C3orf20: variants seen among roughly 807,000 people sequenced by gnomAD.
C3orf20 encodes family with sequence similarity 149 member C, also known as uncharacterized protein C3orf20.
C3orf20 carries 76 observed loss-of-function variants against 88.3 expected under a neutral mutation model. That is an observed-to-expected ratio of 0.86 (90% CI 0.72 to 1.04). The LOEUF (loss-of-function observed/expected upper bound fraction) is 1.04. Ranked by LOEUF, C3orf20 falls within the 50% of genes least tolerant of loss-of-function variation. The pLI, the probability that C3orf20 is intolerant of heterozygous loss-of-function variation, is 0.00. For synonymous variants in C3orf20, 436 were observed against 437.4 expected (o/e 1.00, Z 0.04); for missense variants, 1,056 against 1,123.3 (o/e 0.94, Z 0.86).
intron 12 of C3orf20, among the ~76,000 whole-genome samples, chr3:14,739,723 A>C (rs1432174306): frequency 6.6e-6 from 1 of 152,240 alleles, no homozygotes; most frequent in Non-Finnish European, 1.5e-5. Context: ...AGTCACCTTC[A>C]TCAATGATCT....
At chr3:14,735,848 G>A (rs570551315) in intron 12 of C3orf20, among the ~76,000 whole-genome samples, 187 of 152,226 alleles carry the variant, frequency 1.2e-3, no homozygotes, top group Non-Finnish European at 2.2e-3. Context: ...ACCTGCCTCA[G>A]CCTCCCAAAG....
intron 10 of C3orf20, among the ~76,000 whole-genome samples, chr3:14,725,347 A>G (rs987654057): frequency 6.6e-6 from 1 of 152,188 alleles, no homozygotes; most frequent in African/African-American, 2.4e-5. Context: ...AGCTTGTTAA[A>G]TGGCTTCCCC....
intron 7 of C3orf20, among the ~76,000 whole-genome samples, chr3:14,708,218 A>G (rs372970723): frequency 6.6e-6 from 1 of 152,254 alleles, no homozygotes; most frequent in African/African-American, 2.4e-5. Flanking sequence ...TAAGGTTCCA[A>G]TTTCTTTCCT....
intron 4 of C3orf20, 125 bp downstream of exon 4, chr3:14,684,507 A>G: frequency 7.8e-7 from 1 of 1,289,250 alleles, no homozygotes; most frequent in Non-Finnish European, 1.1e-6. Flanking sequence ...ATGTGGAGCA[A>G]CAGGGATTTT....
Position 14,676,145 on chromosome 3 carries a change from G to A in C3orf20, c.-299+893G>A, listed in dbSNP as rs1267238713. The stretch of plus-strand genomic sequence containing the variant: ...TTTTTTTTGGTCATTATTCCCTGCG[G>A]TTGAACAGAGCACCTCCCCGCACCC... On this transcript the variant is annotated intron_variant, in intron 1 of 16. Coordinates refer to ENST00000253697, the MANE Select transcript of C3orf20 (RefSeq NM_032137.5). Among the ~76,000 whole-genome samples the A allele has an allele frequency of 1.7e-4, 24 of 144,840 alleles. No individual in the cohort carries two copies. The South Asian group carries it at 2.2e-3, about 13-fold the overall frequency.
chr3:14,688,201 C>T (rs1287129152), intron 4 of C3orf20, among the ~76,000 whole-genome samples: 1 of 152,032 alleles, frequency 6.6e-6, no homozygotes, highest in Admixed American at 6.6e-5. Flanking sequence ...TGAGGTAGAC[C>T]AAAGCTGTAA....
At chr3:14,707,646 A>G (rs1483747578) in intron 7 of C3orf20, among the ~76,000 whole-genome samples, 3 of 152,054 alleles carry the variant, frequency 2.0e-5, no homozygotes, top group East Asian at 3.9e-4. Context: ...ATTTTTTCCT[A>G]TACTGTCATA....
At chr3:14,734,450 G>A (rs571960901) in intron 12 of C3orf20, among the ~76,000 whole-genome samples, 1 of 151,836 alleles carries the variant, frequency 6.6e-6, no homozygotes, top group South Asian at 2.1e-4. Flanking sequence ...GTTCTTTCTT[G>A]TCCCGTTGGA....
At position 14,677,224 on chromosome 3, in the gene C3orf20, T is replaced by C. The variant is rs1173038339; in HGVS notation, c.-299+1972T>C. Among the ~76,000 whole-genome samples the C allele has an allele frequency of 3.3e-5, 5 of 152,192 alleles. No homozygotes were observed. The East Asian group carries it at 9.6e-4, about 29-fold the overall frequency. On this transcript the variant is annotated intron_variant, in intron 1 of 16. Coordinates refer to ENST00000253697, the MANE Select transcript of C3orf20 (RefSeq NM_032137.5). ...GGCTTAGTTTGATTGTCTTCTTAAGTATACAGCTGTGTATACTTTGACCAA... is the reference window on the plus strand; with the variant it reads ...GGCTTAGTTTGATTGTCTTCTTAAGCATACAGCTGTGTATACTTTGACCAA...
At chr3:14,746,321 G>A (rs147164522) in intron 12 of C3orf20, among the ~76,000 whole-genome samples, 3 of 152,258 alleles carry the variant, frequency 2.0e-5, no homozygotes, top group African/African-American at 7.2e-5. Context: ...GATAGCAGTA[G>A]GTAAAACTAG....
intron 5 of C3orf20, among the ~76,000 whole-genome samples, chr3:14,697,586 T>C (rs538869617): frequency 6.6e-6 from 1 of 152,104 alleles, no homozygotes; most frequent in South Asian, 2.1e-4. Flanking sequence ...AGTTCTAGGG[T>C]ACATGTGCAC....
At position 14,731,196 on chromosome 3, in the gene C3orf20, A is replaced by T. The variant is rs561060798; in HGVS notation, c.1940+2508A>T. Among the ~76,000 whole-genome samples, 14 of 152,318 alleles carry T rather than the reference A, an allele frequency of 9.2e-5. No homozygotes were observed. In the South Asian group the frequency reaches 2.9e-3, roughly 32 times the overall value. ...CCACTGATCTGTTCTTTGTAGATAT[A>T]GTTTTGCATTTTCCAGAACATCATG... On this transcript the variant is annotated intron_variant, in intron 12 of 16. Transcript: ENST00000253697.
rs373138094 is a variant in C3orf20, at chr3:14,738,802, G to A, written c.1940+10114G>A. ...ATTACAGGCATGCACCACCATGCCT[G>A]GCTAATTTTTTTGTTTTTTTTTTTT... On this transcript the variant is annotated intron_variant, in intron 12 of 16. Transcript: ENST00000253697. 6.3e-5 allele frequency among the ~76,000 whole-genome samples: 9 copies of A among 143,324 alleles called. No homozygotes were observed. In the East Asian group the frequency reaches 1.2e-3, roughly 20 times the overall value. 94.0% of individuals were successfully genotyped at this position (143,324 alleles called of 152,430 possible). A position where few individuals can be genotyped will look rare whatever the true frequency, so the allele number is the denominator to read the frequency against.
At chr3:14,738,630 CTTTTTT>C (rs34407504) in intron 12 of C3orf20, among the ~76,000 whole-genome samples, 2 of 73,482 alleles carry the variant, frequency 2.7e-5, no homozygotes, top group African/African-American at 1.3e-4. Flanking sequence ...CATGCCCGGC[CTTTTTT>C]TTTTTTTTTT....
chr3:14,708,898 C>T (rs1195680265), intron 7 of C3orf20, among the ~76,000 whole-genome samples: 1 of 152,176 alleles, frequency 6.6e-6, no homozygotes, highest in Admixed American at 6.5e-5. Flanking sequence ...CCCACTTCAG[C>T]CTCCCAAAGT....
intron 1 of C3orf20, among the ~76,000 whole-genome samples, chr3:14,681,504 G>A (rs1014128449): frequency 2.6e-5 from 4 of 152,180 alleles, no homozygotes; most frequent in Non-Finnish European, 5.9e-5. Context: ...TTGGAGTTGG[G>A]CAACAGGAAC....
chr3:14,759,162 A>G (rs1422722751), intron 13 of C3orf20, among the ~76,000 whole-genome samples: 1 of 152,192 alleles, frequency 6.6e-6, no homozygotes, highest in Non-Finnish European at 1.5e-5. Context: ...GTGTCAGATT[A>G]GGGTGTCTTT....
intron 12 of C3orf20, among the ~76,000 whole-genome samples, chr3:14,744,818 G>A (rs1376315290): frequency 3.3e-5 from 5 of 152,104 alleles, no homozygotes; most frequent in South Asian, 4.1e-4. Context: ...ACCAGCCCAC[G>A]TGATTCAATT....
In C3orf20 at chr3:14,715,310, G is replaced by C; in HGVS notation, c.1335G>C (p.Leu445Phe). The part of the protein sequence containing the change: ...LKTSCPYVLI[L>F]DEEGGTTNDQ... Reference sequence around the variant, plus strand: ...CTAGTTGCCCATATGTCTTAATCTTGGATGAGGAAGGTGGGACCACCAATG... The same window carrying C: ...CTAGTTGCCCATATGTCTTAATCTTCGATGAGGAAGGTGGGACCACCAATG... Residue 445 changes from leucine to phenylalanine, a missense_variant, in exon 9 of 17, where the codon TTG (leucine) becomes TTC (phenylalanine). Leu to Phe is a conservative substitution (Grantham distance 22). Transcript: ENST00000253697. 1 of 1,612,346 alleles carries C rather than the reference G, an allele frequency of 6.2e-7. No homozygotes were observed. Among genetic ancestry groups the C allele is most frequent in the Non-Finnish European group, 8.5e-7 (1 of 1,179,754 alleles).
Sources: allele counts gnomAD v4.1 joint callset (sites outside exome capture counted in the v4.1 genomes callset), GRCh38; gene constraint gnomAD v4.1.1; transcripts MANE v1.5; gene names NCBI Gene and HGNC (gene_info 2026-07-23, HGNC 2026-07-21).